The following SEL1L2 variants were observed in gnomAD, a reference collection of about 807,000 sequenced individuals.
The protein encoded by SEL1L2 is SEL1L2 adaptor subunit of SYVN1 ubiquitin ligase, also known as protein sel-1 homolog 2.
In SEL1L2, 89 loss-of-function variants were observed where a neutral mutation model predicts 98.8. That is an observed-to-expected ratio of 0.90 (90% CI 0.76 to 1.07). The LOEUF (loss-of-function observed/expected upper bound fraction) is 1.07, where lower values mean the gene tolerates loss of function less well. SEL1L2 is among the 50% of genes least tolerant of loss of function. The pLI is 0.00. For missense variants in SEL1L2, 788 were observed against 812.0 expected (o/e 0.97, Z 0.36); for synonymous variants, 262 against 278.5 (o/e 0.94, Z 0.59).
chr20:13,849,578 T>G lies in SEL1L2; in HGVS notation c.1974A>C (p.Lys658Asn). The G allele has an allele frequency of 6.2e-7, 1 of 1,614,048 alleles. No individual in the cohort carries two copies. ...AGTGTGGTCCAATGGTGTTGTCCAG[T>G]TTCAGCCAGTTCCATCTCGTTGTGA... ...FNFTTRWNWL[K>N]LDNTIGPHWD... The change falls in exon 20 of 20, where the codon AAA becomes AAC. Residue 658 changes from lysine (K) to asparagine (N), a missense_variant. Lys to Asn is a moderately conservative substitution (Grantham distance 94, BLOSUM62 0). Transcript: ENST00000284951.
chr20:13,982,982 C>CCACTGCA, intron 1 of SEL1L2, among the ~76,000 whole-genome samples: 1 of 117,390 alleles, frequency 8.5e-6, no homozygotes, highest in Middle Eastern at 6.6e-3. Context: ...TGAGTTCACG[C>CCACTGCA]CACTGCACTC....
At chr20:13,911,367 G>T (rs1174787105) in intron 5 of SEL1L2, among the ~76,000 whole-genome samples, 1 of 152,212 alleles carries the variant, frequency 6.6e-6, no homozygotes, top group Non-Finnish European at 1.5e-5. Flanking sequence ...AGTTTGAAAA[G>T]AAATTAGGTG....
At chr20:13,971,592 AT>A (rs34169464) in intron 1 of SEL1L2, among the ~76,000 whole-genome samples, 186 of 144,674 alleles carry the variant, frequency 1.3e-3, no homozygotes, top group African/African-American at 1.3e-3. Context: ...TAGCTAGCTA[AT>A]TTTTTTTTTT....
intron 13 of SEL1L2, 56 bp downstream of exon 13, chr20:13,870,085 G>T: frequency 7.9e-7 from 1 of 1,273,546 alleles, no homozygotes; most frequent in Non-Finnish European, 1.1e-6. Context: ...GAATGACCAT[G>T]AATTTTACCC....
chr20:13,852,533 GTTTTGAA>G (rs1988444885), intron 18 of SEL1L2, among the ~76,000 whole-genome samples: 1 of 152,198 alleles, frequency 6.6e-6, no homozygotes, highest in African/African-American at 2.4e-5. Context: ...TCCAGATGGT[GTTTTGAA>G]GATGACCACA....
intron 1 of SEL1L2, among the ~76,000 whole-genome samples, chr20:13,980,446 G>A (rs186756292): frequency 5.4e-4 from 82 of 152,294 alleles, no homozygotes; most frequent in Non-Finnish European, 7.3e-5. Flanking sequence ...CACCTCAGGT[G>A]ATCCACCTGC....
chr20:13,903,790 G>A (rs1287100072), intron 5 of SEL1L2, among the ~76,000 whole-genome samples: 1 of 151,912 alleles, frequency 6.6e-6, no homozygotes, highest in African/African-American at 2.4e-5. Flanking sequence ...ACTTCAGCCT[G>A]GGCAAAAAAG....
At chr20:13,915,071 C>A in intron 4 of SEL1L2, 2 of 1,255,050 alleles carry the variant, frequency 1.6e-6, no homozygotes, top group Non-Finnish European at 2.1e-6. Context: ...GAAAAAAAAC[C>A]CCATAAAAAT....
intron 17 of SEL1L2, among the ~76,000 whole-genome samples, chr20:13,863,656 T>C (rs1990524810): frequency 6.6e-6 from 1 of 152,182 alleles, no homozygotes; most frequent in Non-Finnish European, 1.5e-5. Flanking sequence ...CTTTTTTATA[T>C]TGAGGAATTC....
At chr20:13,864,207 A>C (rs77972952) in intron 17 of SEL1L2, among the ~76,000 whole-genome samples, 6,644 of 152,206 alleles carry the variant, frequency 0.044, 466 homozygotes, top group African/African-American at 0.15. Context: ...TTTAAGGGGA[A>C]TGTCTCACTA....
At chr20:13,992,773 T>C (rs1030705092), upstream of SEL1L2, among the ~76,000 whole-genome samples, 1 of 152,122 alleles carries the variant, frequency 6.6e-6, no homozygotes, top group Non-Finnish European at 1.5e-5. Context: ...CAGGTTCTGG[T>C]GAGGGTCTTC....
At position 13,901,152 on chromosome 20, in the gene SEL1L2, G is replaced by C. The variant is rs1372594146; in HGVS notation, c.549+12630C>G. On this transcript the variant is annotated intron_variant, in intron 5 of 19. Coordinates refer to ENST00000284951, the MANE Select transcript of SEL1L2 (RefSeq NM_025229.2). Reference sequence around the variant, plus strand: ...GTGGCGCGATCTCGGCTCACTGCAAGCTCCGCCTCCCGGGTTCATGCCATT... The same window carrying C: ...GTGGCGCGATCTCGGCTCACTGCAACCTCCGCCTCCCGGGTTCATGCCATT... Among the ~76,000 whole-genome samples the C allele has an allele frequency of 4.8e-5, 7 of 147,178 alleles. No individual in the cohort carries two copies. The East Asian group carries it at 1.4e-3, about 30-fold the overall frequency.
intron 1 of SEL1L2, among the ~76,000 whole-genome samples, chr20:13,963,760 C>A (rs971971880): frequency 2.2e-4 from 33 of 151,794 alleles, no homozygotes; most frequent in African/African-American, 5.6e-4. Context: ...AATTAAAAAG[C>A]AAAAAAACCA....
chr20:13,884,182 T>G (rs2046837427), intron 10 of SEL1L2, among the ~76,000 whole-genome samples: 1 of 152,208 alleles, frequency 6.6e-6, no homozygotes, highest in East Asian at 1.9e-4. Context: ...GATTACTTTT[T>G]TACGTAATAG....
intron 2 of SEL1L2, among the ~76,000 whole-genome samples, chr20:13,932,705 A>T (rs2049206702): frequency 6.6e-6 from 1 of 152,144 alleles, no homozygotes; most frequent in Non-Finnish European, 1.5e-5. Context: ...TGCCGGGATT[A>T]CAGGCATGAG....
intron 10 of SEL1L2, among the ~76,000 whole-genome samples, chr20:13,884,109 A>G (rs1249413124): frequency 6.6e-6 from 1 of 152,244 alleles, no homozygotes. Context: ...CATATAAAAT[A>G]CAAATTATAG....
intron 5 of SEL1L2, among the ~76,000 whole-genome samples, chr20:13,905,105 A>C (rs1180563051): frequency 6.6e-6 from 1 of 152,134 alleles, no homozygotes; most frequent in Non-Finnish European, 1.5e-5. Context: ...TACCAGCCTC[A>C]AATAATCAAC....
At position 13,865,198 on chromosome 20, in the gene SEL1L2, C is replaced by T. The variant is rs368728589; in HGVS notation, c.1614G>A (p.Ala538=). ...ILEKEKMYPM[A]LLLWNRAAIQ... ...TGGCAGCTCGATTCCATAGGAGAAG[C>T]GCCATTGGATACATCTTCTCTTTTT... is the stretch of plus-strand genomic sequence containing the variant. Residue 538 remains alanine, a synonymous_variant, in exon 17 of 20, where the codon GCG becomes GCA. Coordinates refer to ENST00000284951, the MANE Select transcript of SEL1L2 (RefSeq NM_025229.2). 18 of 1,613,458 alleles carry T rather than the reference C, an allele frequency of 1.1e-5. No homozygotes were observed. The highest frequency in any genetic ancestry group is 6.7e-5 in the East Asian group (3 of 44,860).
At chr20:13,936,273 G>A (rs2049449767) in intron 2 of SEL1L2, among the ~76,000 whole-genome samples, 1 of 152,160 alleles carries the variant, frequency 6.6e-6, no homozygotes, top group Admixed American at 6.5e-5. Flanking sequence ...TGTGAGCTAA[G>A]CTAACTTTGG....
Sources: gnomAD v4.1 joint callset for allele counts (sites outside exome capture counted in the v4.1 genomes callset) on GRCh38, gnomAD v4.1.1 for gene constraint, MANE v1.5 for transcripts, NCBI Gene and HGNC (gene_info 2026-07-23, HGNC 2026-07-21) for gene names.